Variants in RBMS3 observed in about 807,000 individuals in gnomAD.
RBMS3 encodes RNA-binding motif, single-stranded-interacting protein 3.
A neutral mutation model predicts 66.8 loss-of-function variants in RBMS3; 27 were observed. That is an observed-to-expected ratio of 0.40 (90% confidence interval 0.30 to 0.56). The LOEUF is 0.56. Ranked by LOEUF, RBMS3 falls within the 20% of genes least tolerant of loss-of-function variation. The pLI, the probability that RBMS3 is intolerant of heterozygous loss-of-function variation, is 0.40. For synonymous variants in RBMS3, 188 were observed against 183.0 expected (o/e 1.03, Z -0.22); for missense variants, 513 against 549.5 (o/e 0.93, Z 0.66).
At chr3:29,714,939 A>G (rs1293020393) in intron 4 of RBMS3, among the ~76,000 whole-genome samples, 4 of 152,042 alleles carry the variant, frequency 2.6e-5, no homozygotes, top group Non-Finnish European at 5.9e-5. Flanking sequence ...TGAGCTATAT[A>G]TTTTCCATGT....
In RBMS3 at chr3:29,936,197, G is replaced by A; in HGVS notation, c.1050+1G>A. Reference sequence around the variant, plus strand: ...CCTTTCGTTGGGCACAACAGGAACGGTGAGTTGAAGAGATTGTTTTGTTTC... The same window carrying A: ...CCTTTCGTTGGGCACAACAGGAACGATGAGTTGAAGAGATTGTTTTGTTTC... On this transcript the variant is annotated splice_donor_variant, in intron 11 of 14. Coordinates refer to ENST00000383767, the MANE Select transcript of RBMS3 (RefSeq NM_001003793.3). LOFTEE classifies it high-confidence loss of function. 6.2e-7 allele frequency: 1 copy of A among 1,611,446 alleles called. No individual in the cohort carries two copies. Among genetic ancestry groups the A allele is most frequent in the Non-Finnish European group, 8.5e-7 (1 of 1,178,520 alleles).
At chr3:29,644,076 C>G (rs1168643208) in intron 4 of RBMS3, among the ~76,000 whole-genome samples, 1 of 152,152 alleles carries the variant, frequency 6.6e-6, no homozygotes, top group Non-Finnish European at 1.5e-5. Context: ...ATAATCACAG[C>G]TTGGTTAGTC....
At chr3:29,305,011 C>G (rs999211258) in intron 1 of RBMS3, among the ~76,000 whole-genome samples, 1 of 151,848 alleles carries the variant, frequency 6.6e-6, no homozygotes, top group African/African-American at 2.4e-5. Flanking sequence ...GCTCTATGAC[C>G]TCTCCTCCTC....
chr3:29,844,648 A>G (rs1374922965), intron 6 of RBMS3, among the ~76,000 whole-genome samples: 1 of 152,220 alleles, frequency 6.6e-6, no homozygotes, highest in Non-Finnish European at 1.5e-5. Flanking sequence ...TGGAAGGTTC[A>G]GATTTTTGAT....
chr3:29,597,229 T>G (rs1216304322), intron 4 of RBMS3, among the ~76,000 whole-genome samples: 1 of 152,222 alleles, frequency 6.6e-6, no homozygotes, highest in Non-Finnish European at 1.5e-5. Context: ...GTAGCTATAA[T>G]TTTTCCATGG....
At chr3:29,588,999 A>G (rs1371862833) in intron 4 of RBMS3, among the ~76,000 whole-genome samples, 1 of 152,090 alleles carries the variant, frequency 6.6e-6, no homozygotes, top group Non-Finnish European at 1.5e-5. Flanking sequence ...AAGTTAGCAG[A>G]TTGTAGCACT....
At chr3:29,861,237 G>A (rs1369536072) in intron 6 of RBMS3, among the ~76,000 whole-genome samples, 1 of 151,756 alleles carries the variant, frequency 6.6e-6, no homozygotes, top group Non-Finnish European at 1.5e-5. Flanking sequence ...CCTTTATTTT[G>A]TCTACTCTTA....
At chr3:29,937,749 T>C (rs550540537) in intron 11 of RBMS3, among the ~76,000 whole-genome samples, 2 of 152,080 alleles carry the variant, frequency 1.3e-5, no homozygotes, top group South Asian at 4.2e-4. Flanking sequence ...ATTTTCATCA[T>C]GGAGATAGAG....
chr3:29,774,723 C>T (rs2056359190), intron 6 of RBMS3, among the ~76,000 whole-genome samples: 1 of 151,930 alleles, frequency 6.6e-6, no homozygotes, highest in Non-Finnish European at 1.5e-5. Flanking sequence ...CCAGGGGCTA[C>T]ATGATTTGAG....
At chr3:29,446,120 G>A (rs534216231) in intron 2 of RBMS3, among the ~76,000 whole-genome samples, 27 of 151,992 alleles carry the variant, frequency 1.8e-4, no homozygotes, top group Non-Finnish European at 3.5e-4. Flanking sequence ...ACAAAGAGAC[G>A]GCATAATACC....
At position 29,976,945 on chromosome 3, in the gene RBMS3, G is replaced by A. The variant is rs146238306; in HGVS notation, c.1099-11198G>A. On this transcript the variant is annotated intron_variant, in intron 12 of 14. Transcript: ENST00000383767. ...CTCAGTTTACTCCCTATATCCCCAA[G>A]CTTTCTTTGTTAAAAGAAATTTTGA... Among the ~76,000 whole-genome samples, 6 of 152,118 alleles carry A rather than the reference G, an allele frequency of 3.9e-5. No homozygotes were observed. In the East Asian group the frequency reaches 1.2e-3, roughly 29 times the overall value.
chr3:29,478,370 G>T (rs915841262), intron 2 of RBMS3, among the ~76,000 whole-genome samples: 1 of 152,116 alleles, frequency 6.6e-6, no homozygotes, highest in South Asian at 2.1e-4. Context: ...GTTCCTAAAT[G>T]GTGCCTTCCA....
At chr3:29,499,392 A>G (rs996886395) in intron 3 of RBMS3, among the ~76,000 whole-genome samples, 2 of 152,322 alleles carry the variant, frequency 1.3e-5, no homozygotes, top group South Asian at 2.1e-4. Context: ...GAAAAACAAA[A>G]CAAAACAAAA....
intron 4 of RBMS3, among the ~76,000 whole-genome samples, chr3:29,625,939 A>G (rs942179305): frequency 6.6e-6 from 1 of 152,114 alleles, no homozygotes; most frequent in African/African-American, 2.4e-5. Context: ...CATCCTGGGG[A>G]TATGCACCTC....
intron 4 of RBMS3, among the ~76,000 whole-genome samples, chr3:29,597,066 A>G (rs1230680392): frequency 2.0e-5 from 3 of 152,192 alleles, no homozygotes; most frequent in South Asian, 2.1e-4. Context: ...TCTTCAGAAA[A>G]TAGATGACAA....
intron 4 of RBMS3, among the ~76,000 whole-genome samples, chr3:29,676,195 T>G (rs1433424343): frequency 6.6e-6 from 1 of 152,166 alleles, no homozygotes; most frequent in Non-Finnish European, 1.5e-5. Context: ...AAACACTGCA[T>G]GTTCTCACTT....
chr3:29,353,687 T>G (rs2037054721), intron 1 of RBMS3, among the ~76,000 whole-genome samples: 1 of 152,060 alleles, frequency 6.6e-6, no homozygotes, highest in African/African-American at 2.4e-5. Context: ...ACTCACAACT[T>G]AAGCAACCAA....
chr3:29,389,978 T>A (rs1224241690), intron 1 of RBMS3, among the ~76,000 whole-genome samples: 3 of 152,078 alleles, frequency 2.0e-5, no homozygotes, highest in African/African-American at 7.2e-5. Flanking sequence ...TATACTTTAT[T>A]TAGATTTTAT....
chr3:29,805,251 A>G (rs1020972086), intron 6 of RBMS3, among the ~76,000 whole-genome samples: 1 of 152,056 alleles, frequency 6.6e-6, no homozygotes, highest in African/African-American at 2.4e-5. Context: ...GATGCTGGGT[A>G]AACAAATCTA....
Sources: allele counts gnomAD v4.1 joint callset (sites outside exome capture counted in the v4.1 genomes callset), GRCh38; gene constraint gnomAD v4.1.1; transcripts MANE v1.5; gene names NCBI Gene and HGNC (gene_info 2026-07-23, HGNC 2026-07-21).